COL15A1: variants seen among roughly 807,000 people sequenced by gnomAD.
The protein encoded by COL15A1 is collagen alpha-1(XV) chain.
Under a neutral mutation model 165.9 loss-of-function variants are expected in COL15A1, and 111 were observed. The ratio of observed to expected loss-of-function variants is 0.67; its 90% CI spans 0.57 to 0.78. The LOEUF (loss-of-function observed/expected upper bound fraction) is 0.78, where lower values mean the gene tolerates loss of function less well. Ranked by LOEUF, COL15A1 falls within the 30% of genes least tolerant of loss-of-function variation. The pLI is 0.00. For synonymous variants in COL15A1, 659 were observed against 674.8 expected, an observed-to-expected ratio of 0.98 and a Z score of 0.36; for missense variants, 1,745 against 1,789.7, an observed-to-expected ratio of 0.98 and a Z score of 0.45.
In COL15A1 at chr9:99,040,531, G is replaced by T; in HGVS notation, c.2486G>T (p.Gly829Val). 1 of 1,614,182 alleles carries T rather than the reference G, an allele frequency of 6.2e-7. No individual in the cohort carries two copies. Among genetic ancestry groups the T allele is most frequent in the Non-Finnish European group, 8.5e-7 (1 of 1,180,034 alleles). ...TTTGGTGTGTCACAGGGGCCGGACG[G>T]GTTGCCTGGGCTGCCAGGATTTCCA... is the stretch of plus-strand genomic sequence containing the variant. ...PELVGPPGPD[G>V]LPGLPGFPGP... The change falls in exon 23 of 42, where the codon GGG becomes GTG. Residue 829 changes from glycine to valine, a missense_variant. By Grantham distance (109) the Gly-to-Val change is moderately radical. Coordinates refer to ENST00000375001, the MANE Select transcript of COL15A1 (RefSeq NM_001855.5).
intron 6 of COL15A1, among the ~76,000 whole-genome samples, chr9:98,998,292 T>C (rs796734840): frequency 1.8e-4 from 27 of 152,352 alleles, no homozygotes; most frequent in African/African-American, 6.5e-4. Context: ...CATATCACTA[T>C]TCTTTTTGCT....
intron 16 of COL15A1, among the ~76,000 whole-genome samples, chr9:99,031,076 A>G (rs1839207422): frequency 6.6e-6 from 1 of 152,064 alleles, no homozygotes; most frequent in African/African-American, 2.4e-5. Context: ...TTCTCCTCCC[A>G]TCTCCCCAGA....
chr9:99,009,204 C>A lies in COL15A1; in HGVS notation c.1353+4154C>A, dbSNP rs571543439. Among the ~76,000 whole-genome samples the A allele has an allele frequency of 1.1e-4, 17 of 152,218 alleles. No homozygotes were observed. In the South Asian group the frequency reaches 2.5e-3, roughly 22 times the overall value. On this transcript the variant is annotated intron_variant, in intron 9 of 41. Coordinates refer to ENST00000375001, the MANE Select transcript of COL15A1 (RefSeq NM_001855.5). ...AACCACCTTTTGAAAGGGATAAAAG[C>A]AAAACAACTGTGGATGACAAAAGTG...
chr9:99,037,974 G>C (rs1179874357), intron 21 of COL15A1, among the ~76,000 whole-genome samples: 2 of 152,124 alleles, frequency 1.3e-5, no homozygotes, highest in Non-Finnish European at 2.9e-5. Context: ...TGTGGGCTGG[G>C]ACCAGATCGC....
chr9:99,028,903 C>A (rs1839173034), intron 16 of COL15A1, among the ~76,000 whole-genome samples: 1 of 152,158 alleles, frequency 6.6e-6, no homozygotes, highest in Admixed American at 6.5e-5. Flanking sequence ...ATAGATTATT[C>A]TATGCTGAGT....
chr9:99,004,852 C>T, intron 8 of COL15A1, 46 bp from the exon 9 acceptor site: 1 of 1,611,922 alleles, frequency 6.2e-7, no homozygotes. Flanking sequence ...TGTGGTGGAT[C>T]AGCATCATGG....
At position 99,021,972 on chromosome 9, in the gene COL15A1, ATG is replaced by A. The variant is rs1263210260; in HGVS notation, c.1702-118_1702-117del. 5.1e-6 allele frequency: 7 copies of A among 1,367,910 alleles called. No individual in the cohort carries two copies. In the African/African-American group the frequency reaches 8.6e-5, roughly 17 times the overall value. 84.7% of individuals were successfully genotyped at this position (1,367,910 alleles called of 1,614,324 possible). A position where few individuals can be genotyped will look rare whatever the true frequency, so the allele number is the denominator to read the frequency against. On this transcript the variant is annotated intron_variant, in intron 12 of 41. Coordinates refer to ENST00000375001, the MANE Select transcript of COL15A1 (RefSeq NM_001855.5). ...CCTTAAGCTGTCTCTGCAAAGGACAATGCCATTTTTCTTTCCTGTGTGATCCT... is the reference window on the plus strand; with the variant it reads ...CCTTAAGCTGTCTCTGCAAAGGACAACCATTTTTCTTTCCTGTGTGATCCT...
At chr9:98,945,750 T>A (rs748658646) in intron 2 of COL15A1, among the ~76,000 whole-genome samples, 9 of 152,218 alleles carry the variant, frequency 5.9e-5, no homozygotes, top group Non-Finnish European at 1.3e-4. Context: ...ATTTTGCATA[T>A]GATATAGGGC....
intron 19 of COL15A1, among the ~76,000 whole-genome samples, chr9:99,035,771 C>CA (rs1223718476): frequency 2.0e-5 from 3 of 152,214 alleles, no homozygotes; most frequent in Non-Finnish European, 4.4e-5. Context: ...TGCCCCAGGT[C>CA]AAAGCCCTGT....
intron 34 of COL15A1, 150 bp downstream of exon 34, chr9:99,055,522 A>G: frequency 1.6e-6 from 1 of 614,300 alleles, no homozygotes; most frequent in Non-Finnish European, 2.9e-6. Flanking sequence ...ATCCTTGTTG[A>G]TTGATGGGCA....
intron 2 of COL15A1, among the ~76,000 whole-genome samples, chr9:98,970,058 A>G (rs1473386761): frequency 1.3e-5 from 2 of 152,072 alleles, no homozygotes; most frequent in South Asian, 4.2e-4. Flanking sequence ...AAAAAAAAAA[A>G]AAAGTCTCCC....
At chr9:99,034,668 G>C (rs1158375881) in intron 17 of COL15A1, 84 bp downstream of exon 17, 2 of 1,468,502 alleles carry the variant, frequency 1.4e-6, no homozygotes, top group Non-Finnish European at 1.8e-6. Flanking sequence ...TTGGACTGCT[G>C]GGCTGGAATA....
chr9:99,053,421 C>G lies in COL15A1; in HGVS notation c.2950+988C>G, dbSNP rs148247592. On this transcript the variant is annotated intron_variant, in intron 31 of 41. Coordinates refer to ENST00000375001, the MANE Select transcript of COL15A1 (RefSeq NM_001855.5). Reference sequence around the variant, plus strand: ...GGACCTTGGGGAGCAGGGGATGGAGCTGGATTTGTTTTCTCAGATTCCCCA... The same window carrying G: ...GGACCTTGGGGAGCAGGGGATGGAGGTGGATTTGTTTTCTCAGATTCCCCA... 9.2e-5 allele frequency among the ~76,000 whole-genome samples: 14 copies of G among 152,332 alleles called. No individual in the cohort carries two copies. In the East Asian group the frequency reaches 2.7e-3, roughly 29 times the overall value.
intron 2 of COL15A1, among the ~76,000 whole-genome samples, chr9:98,962,535 C>T (rs749050789): frequency 1.3e-5 from 2 of 152,192 alleles, no homozygotes; most frequent in Non-Finnish European, 2.9e-5. Context: ...CAAACACACA[C>T]ACATGTTTGG....
intron 22 of COL15A1, 47 bp downstream of exon 22, chr9:99,038,780 C>G: frequency 8.8e-7 from 1 of 1,136,962 alleles, no homozygotes; most frequent in Non-Finnish European, 1.3e-6. Flanking sequence ...CCCAGACGCC[C>G]CTGTTGAAAC....
chr9:98,998,075 A>G (rs910721506), intron 6 of COL15A1, among the ~76,000 whole-genome samples: 2 of 152,260 alleles, frequency 1.3e-5, no homozygotes, highest in Admixed American at 6.5e-5. Flanking sequence ...AATTATGTCT[A>G]TGACCCTAAT....
At position 99,016,115 on chromosome 9, in the gene COL15A1, C is replaced by T. The variant is rs1266155365; in HGVS notation, c.1643C>T (p.Thr548Ile). 1 of 1,609,528 alleles carries T rather than the reference C, an allele frequency of 6.2e-7. No homozygotes were observed. Among genetic ancestry groups the T allele is most frequent in the Middle Eastern group, 1.7e-4 (1 of 6,012 alleles). The change falls in exon 11 of 42, where the codon ACT (threonine) becomes ATT (isoleucine). Residue 548 changes from threonine to isoleucine, a missense_variant. Physicochemically the swap from Thr to Ile is moderately conservative, Grantham distance 89. Transcript: ENST00000375001. ...LPTVAPERWITPAQREHVGMK... is the reference protein window; with the variant it reads ...LPTVAPERWIIPAQREHVGMK... ...ACAGTGGCTCCTGAAAGATGGATCA[C>T]TCCAGTAAGTGGCATAGAGCTGTAA...
At chr9:98,995,131 A>G (rs1260482367) in intron 5 of COL15A1, among the ~76,000 whole-genome samples, 2 of 152,176 alleles carry the variant, frequency 1.3e-5, no homozygotes, top group Non-Finnish European at 2.9e-5. Flanking sequence ...TTCCTGAACA[A>G]GTGATGGAGT....
chr9:99,034,452 C>T lies in COL15A1; in HGVS notation c.2044-97C>T, dbSNP rs376760198. Reference sequence around the variant, plus strand: ...GACAGAAAGAGTCCTATTTTAATATCCTATTTCCTTGGAGTCCATAATTGT... The same window carrying T: ...GACAGAAAGAGTCCTATTTTAATATTCTATTTCCTTGGAGTCCATAATTGT... On this transcript the variant is annotated intron_variant, in intron 16 of 41. Transcript: ENST00000375001. 11 of 1,486,134 alleles carry T rather than the reference C, an allele frequency of 7.4e-6. No individual in the cohort carries two copies. The African/African-American group carries it at 1.6e-4, about 21-fold the overall frequency. 92.1% of individuals were successfully genotyped at this position (1,486,134 alleles called of 1,614,324 possible).
Sources: gnomAD v4.1 joint callset for allele counts (sites outside exome capture counted in the v4.1 genomes callset) on GRCh38, gnomAD v4.1.1 for gene constraint, MANE v1.5 for transcripts, NCBI Gene and HGNC (gene_info 2026-07-23, HGNC 2026-07-21) for gene names.